TPP2: variants seen among roughly 807,000 people sequenced by gnomAD.
TPP2 encodes tripeptidyl-peptidase 2.
TPP2 carries 34 observed loss-of-function variants against 155.9 expected under a neutral mutation model. That is an observed-to-expected ratio of 0.22 (90% CI 0.17 to 0.29). The LOEUF (loss-of-function observed/expected upper bound fraction) is 0.29. TPP2 is among the 10% of genes least tolerant of loss of function. The pLI is 1.00. For synonymous variants in TPP2, 510 were observed against 529.4 expected (o/e 0.96, Z 0.50); for missense variants, 1,028 against 1,522.3 (o/e 0.68, Z 5.40).
intron 25 of TPP2, among the ~76,000 whole-genome samples, chr13:102,658,426 A>G (rs1245768860): frequency 1.3e-5 from 2 of 152,232 alleles, no homozygotes; most frequent in African/African-American, 4.8e-5. Flanking sequence ...TTAGGATGTC[A>G]TAAACAGTTG....
intron 16 of TPP2, among the ~76,000 whole-genome samples, chr13:102,642,125 A>G (rs568229110): frequency 3.3e-5 from 5 of 152,294 alleles, no homozygotes; most frequent in African/African-American, 1.2e-4. Context: ...AACTGTAAAT[A>G]TAGTCGTTAG....
intron 27 of TPP2, among the ~76,000 whole-genome samples, chr13:102,665,583 C>G (rs776796037): frequency 1.3e-5 from 2 of 152,120 alleles, no homozygotes; most frequent in Non-Finnish European, 2.9e-5. Context: ...TGACTCTGAA[C>G]CAAGCTGCCA....
chr13:102,664,155 C>T lies in TPP2; in HGVS notation c.3240+411C>T, dbSNP rs74675779. On this transcript the variant is annotated intron_variant, in intron 26 of 29. Coordinates refer to ENST00000376052, the MANE Select transcript of TPP2 (RefSeq NM_001330588.2). ...AGTTCTAGTCTGTCATGACATGGAC[C>T]AGTTCTCATTATTCATCAAAGCAGT... 5.4e-3 allele frequency among the ~76,000 whole-genome samples: 826 copies of T among 152,168 alleles called. 7 individuals are homozygous for T. The highest frequency in any genetic ancestry group is 0.019 in the African/African-American group (799 of 41,510).
rs1881867361 is a variant in TPP2, at chr13:102,629,405, T to C, written c.1017-77T>C. The C allele has an allele frequency of 1.0e-5, 14 of 1,374,662 alleles. No individual in the cohort carries two copies. The Admixed American group carries it at 1.8e-4, about 18-fold the overall frequency. The allele number at this position is 1,374,662 out of a possible 1,614,324, so 85.2% of individuals were successfully genotyped here. On this transcript the variant is annotated intron_variant, in intron 8 of 29. Coordinates refer to ENST00000376052, the MANE Select transcript of TPP2 (RefSeq NM_001330588.2). The stretch of plus-strand genomic sequence containing the variant: ...ACCAAAATTTATGTAGCCATATATT[T>C]AAACAAGGTTTTGGTACTATATACA...
Position 102,597,120 on chromosome 13 carries a change from T to G in TPP2, c.82T>G (p.Cys28Gly), listed in dbSNP as rs1879008406. The stretch of plus-strand genomic sequence containing the variant: ...GGAGACCGGAGCCGCCTCCTTCCTC[T>G]GCCGCTACCCGGAGTATGATGGGCG... ...KKETGAASFLCRYPEYDGRGV... is the reference protein window; with the variant it reads ...KKETGAASFLGRYPEYDGRGV... Residue 28 changes from cysteine to glycine, a missense_variant, in exon 1 of 30, where the codon TGC (cysteine) becomes GGC (glycine). By Grantham distance (159) the Cys-to-Gly change is radical. Transcript: ENST00000376052. The G allele has an allele frequency of 6.2e-7, 1 of 1,611,194 alleles. No individual in the cohort carries two copies. The highest frequency in any genetic ancestry group is 1.9e-4 in the Middle Eastern group (1 of 5,186).
intron 2 of TPP2, 144 bp from the exon 3 acceptor site, chr13:102,613,957 T>A: frequency 1.6e-6 from 1 of 610,034 alleles, no homozygotes; most frequent in Non-Finnish European, 2.8e-6. Flanking sequence ...CTACTTAGAG[T>A]ATTAAACACG....
intron 27 of TPP2, among the ~76,000 whole-genome samples, chr13:102,667,503 A>G (rs1048218991): frequency 6.6e-6 from 1 of 152,232 alleles, no homozygotes; most frequent in Non-Finnish European, 1.5e-5. Context: ...ATGAAATACA[A>G]GTATTTTTAA....
At chr13:102,644,797 G>C in intron 18 of TPP2, 112 bp from the exon 19 acceptor site, 3 of 1,413,892 alleles carry the variant, frequency 2.1e-6, no homozygotes, top group Non-Finnish European at 2.0e-6. Context: ...GATAGCAGTA[G>C]GCTTTGTGTG....
rs1595236947 is a variant in TPP2, at chr13:102,679,810, T to C, written c.*1494T>C. The C allele has an allele frequency of 2.6e-5, 4 of 152,350 alleles. 1 individual carries two copies. The highest frequency in any genetic ancestry group is 2.6e-4 in the Admixed American group (4 of 15,298). 9.4% of individuals were successfully genotyped at this position (152,350 alleles called of 1,614,324 possible). A position where few individuals can be genotyped will look rare whatever the true frequency, so the allele number is the denominator to read the frequency against. ...TCCCAAGGTTATACGGCTGATCAAC[T>C]GTTGGAAATTAATTACAGACCTTGC... On this transcript the variant is annotated 3_prime_UTR_variant, in exon 30 of 30. Coordinates refer to ENST00000376052, the MANE Select transcript of TPP2 (RefSeq NM_001330588.2).
At chr13:102,622,777 G>T in intron 5 of TPP2, 100 bp from the exon 6 acceptor site, 1 of 1,253,430 alleles carries the variant, frequency 8.0e-7, no homozygotes, top group South Asian at 1.5e-5. Flanking sequence ...TGTTGTGGTA[G>T]AGGTAGTAGT....
chr13:102,676,475 T>G, intron 29 of TPP2, 60 bp downstream of exon 29: 1 of 1,581,314 alleles, frequency 6.3e-7, no homozygotes, highest in Non-Finnish European at 8.6e-7. Flanking sequence ...AGTGACAAGA[T>G]AACTAGAAAG....
chr13:102,676,816 T>A (rs1333829376), intron 29 of TPP2, among the ~76,000 whole-genome samples: 1 of 152,252 alleles, frequency 6.6e-6, no homozygotes, highest in African/African-American at 2.4e-5. Context: ...TAGGCATTTT[T>A]AAAATTATCT....
In TPP2 at chr13:102,637,250, A is replaced by G; in HGVS notation, c.1836+11A>G. On this transcript the variant is annotated intron_variant, in intron 14 of 29. Transcript: ENST00000376052. ...TTGCATTATACAGAGGTATTGATGT[A>G]TCTTCATTTTTACTTTCTTCACTCT... 1 of 1,575,680 alleles carries G rather than the reference A, an allele frequency of 6.3e-7. No homozygotes were observed. Among genetic ancestry groups the G allele is most frequent in the South Asian group, 1.2e-5 (1 of 84,184 alleles).
rs1880536458 is a variant in TPP2, at chr13:102,614,160, T to C, written c.354T>C (p.Tyr118=). The C allele has an allele frequency of 6.2e-7, 1 of 1,613,568 alleles. No homozygotes were observed. Among genetic ancestry groups the C allele is most frequent in the Non-Finnish European group, 8.5e-7 (1 of 1,179,778 alleles). Residue 118 remains tyrosine, a synonymous_variant, in exon 3 of 30, where the codon TAT becomes TAC. Transcript: ENST00000376052. ...GKYHIGIKNG[Y]DFYPKALKER... is the part of the protein sequence containing the mutation. ...ATCATATTGGCATAAAAAATGGCTATGACTTCTATCCTAAGGCACTCAAGG... is the reference window on the plus strand; with the variant it reads ...ATCATATTGGCATAAAAAATGGCTACGACTTCTATCCTAAGGCACTCAAGG...
rs763414679 is a variant in TPP2 at position 102,628,010 on chromosome 13, C to T, written c.1016+86C>T. ...TTTTTCATAAGTGGATTGAGTGTCA[C>T]GGTGGAAGAAAGAACAGTTGCAGTG... is the stretch of plus-strand genomic sequence containing the variant. On this transcript the variant is annotated intron_variant, in intron 8 of 29. Transcript: ENST00000376052. The T allele has an allele frequency of 9.3e-5, 100 of 1,072,170 alleles. 1 individual carries two copies. The highest frequency in any genetic ancestry group is 2.0e-4 in the Middle Eastern group (1 of 4,890). The allele number at this position is 1,072,170 out of a possible 1,614,324, so 66.4% of individuals were successfully genotyped here. A position where few individuals can be genotyped will look rare whatever the true frequency, so the allele number is the denominator to read the frequency against.
chr13:102,662,222 T>C (rs2442706), intron 25 of TPP2, among the ~76,000 whole-genome samples: 75,491 of 151,982 alleles, frequency 0.5, 19,125 homozygotes, highest in African/African-American at 0.6. Flanking sequence ...TCTATAGAGA[T>C]AGAAAGTAGA....
chr13:102,618,463 C>A (rs1403937507), intron 4 of TPP2, among the ~76,000 whole-genome samples: 3 of 152,086 alleles, frequency 2.0e-5, no homozygotes, highest in African/African-American at 7.2e-5. Context: ...AGTGTATTTC[C>A]CAAAGCAGGC....
At chr13:102,677,001 T>G (rs771802047) in intron 29 of TPP2, among the ~76,000 whole-genome samples, 4 of 152,216 alleles carry the variant, frequency 2.6e-5, no homozygotes, top group Non-Finnish European at 5.9e-5. Context: ...GGGAGTTTGG[T>G]GGTGCCAGAT....
chr13:102,651,487 A>G (rs1395987655), intron 24 of TPP2, 90 bp downstream of exon 24: 21 of 1,349,886 alleles, frequency 1.6e-5, no homozygotes, highest in Non-Finnish European at 1.9e-5. Context: ...CTTTTTTTTA[A>G]TAAGTCTCCC....
Sources: allele counts gnomAD v4.1 joint callset (sites outside exome capture counted in the v4.1 genomes callset), GRCh38; gene constraint gnomAD v4.1.1; transcripts MANE v1.5; gene names NCBI Gene and HGNC (gene_info 2026-07-23, HGNC 2026-07-21).